The following HECW2 variants were observed in gnomAD, a reference collection of about 807,000 sequenced individuals.
HECW2 encodes HECT, C2 and WW domain containing E3 ubiquitin protein ligase 2.
HECW2 carries 61 observed loss-of-function variants against 175.2 expected under a neutral mutation model. The observed-to-expected ratio is 0.35, with a 90% CI of 0.28 to 0.43. HECW2 has a LOEUF of 0.43. HECW2 is among the 20% of genes least tolerant of loss of function. The pLI is 1.00. For missense variants in HECW2, 1,524 were observed against 2,000.5 expected (o/e 0.76, Z 4.54); for synonymous variants, 671 against 731.0 (o/e 0.92, Z 1.32).
At chr2:196,346,731 T>C (rs1692966656) in intron 2 of HECW2, among the ~76,000 whole-genome samples, 1 of 152,110 alleles carries the variant, frequency 6.6e-6, no homozygotes. Flanking sequence ...CCGGGCACAG[T>C]GGCTCACACC....
Position 196,486,295 on chromosome 2 carries a change from A to C in HECW2, c.-35-52837T>G, listed in dbSNP as rs142932469. On this transcript the variant is annotated intron_variant, in intron 1 of 28. Transcript: ENST00000644978. ...TATGCAAACTAAATGGTATTTTCAC[A>C]GCTCTCCAGAGCCTCCCTGCTGAGC... Among the ~76,000 whole-genome samples, 483 of 152,348 alleles carry C rather than the reference A, an allele frequency of 3.2e-3. 5 individuals carry two copies. The highest frequency in any genetic ancestry group is 0.011 in the African/African-American group (447 of 41,576).
chr2:196,308,142 G>A, intron 10 of HECW2, 57 bp from the exon 11 acceptor site: 1 of 1,330,502 alleles, frequency 7.5e-7, no homozygotes, highest in Non-Finnish European at 1.0e-6. Flanking sequence ...ATGATTAATA[G>A]GGTTCATTAA....
At chr2:196,576,919 T>C (rs10191128) in intron 1 of HECW2, among the ~76,000 whole-genome samples, 6,212 of 152,296 alleles carry the variant, frequency 0.041, 415 homozygotes, top group African/African-American at 0.14. Context: ...ACCATTGGAT[T>C]CATCAGTCAA....
chr2:196,402,909 C>A (rs1694861131), intron 2 of HECW2, among the ~76,000 whole-genome samples: 2 of 149,852 alleles, frequency 1.3e-5, no homozygotes, highest in Admixed American at 6.7e-5. Flanking sequence ...TGGGCTCAAG[C>A]AATTCTTGTG....
At chr2:196,417,283 G>A (rs758374199) in intron 2 of HECW2, among the ~76,000 whole-genome samples, 13 of 152,062 alleles carry the variant, frequency 8.5e-5, no homozygotes, top group Non-Finnish European at 1.8e-4. Context: ...AAGTAATATA[G>A]TTTCCTTAGA....
chr2:196,273,269 G>A (rs763558009), intron 16 of HECW2, among the ~76,000 whole-genome samples: 4 of 151,882 alleles, frequency 2.6e-5, no homozygotes, highest in Admixed American at 1.3e-4. Flanking sequence ...GGGTTTCACC[G>A]TGTTAGCCAG....
At position 196,197,729 on chromosome 2, in the gene HECW2, T is replaced by A. The variant is rs749164746; in HGVS notation, c.*3548A>T. The stretch of plus-strand genomic sequence containing the variant: ...AAGATGAAACACAGAATTGTGACTA[T>A]GAAGTAATGAAACTGATGCCACAAG... On this transcript the variant is annotated 3_prime_UTR_variant, in exon 29 of 29. Coordinates refer to ENST00000644978, the MANE Select transcript of HECW2 (RefSeq NM_001348768.2). 1 of 152,198 alleles carries A rather than the reference T, an allele frequency of 6.6e-6. No individual in the cohort carries two copies. The highest frequency in any genetic ancestry group is 1.5e-5 in the Non-Finnish European group (1 of 68,040). The allele number at this position is 152,198 out of a possible 1,614,324, so 9.4% of individuals were successfully genotyped here.
At chr2:196,462,311 G>A (rs1218191984) in intron 1 of HECW2, among the ~76,000 whole-genome samples, 1 of 152,098 alleles carries the variant, frequency 6.6e-6, no homozygotes, top group African/African-American at 2.4e-5. Flanking sequence ...AATGATATGT[G>A]CAATAAATTG....
At chr2:196,369,423 GA>G (rs1399065515) in intron 2 of HECW2, among the ~76,000 whole-genome samples, 1 of 146,568 alleles carries the variant, frequency 6.8e-6, no homozygotes, top group African/African-American at 2.6e-5. Flanking sequence ...ATGACACATG[GA>G]CTCCTGTTGT....
At chr2:196,355,939 A>G (rs755454904) in intron 2 of HECW2, among the ~76,000 whole-genome samples, 4 of 152,162 alleles carry the variant, frequency 2.6e-5, no homozygotes, top group Non-Finnish European at 4.4e-5. Flanking sequence ...AACCTGAATG[A>G]AGCAGGGGAC....
At chr2:196,533,963 C>T (rs764102492) in intron 1 of HECW2, among the ~76,000 whole-genome samples, 1 of 152,158 alleles carries the variant, frequency 6.6e-6, no homozygotes, top group Non-Finnish European at 1.5e-5. Context: ...TACTTTGATA[C>T]TGTTCATGAG....
At chr2:196,202,790 A>G (rs571162082) in intron 28 of HECW2, among the ~76,000 whole-genome samples, 4 of 152,216 alleles carry the variant, frequency 2.6e-5, no homozygotes, top group East Asian at 1.9e-4. Context: ...CAGATAGAGT[A>G]TTCCTTATCC....
intron 4 of HECW2, chr2:196,331,304 G>T: frequency 1.0e-6 from 1 of 983,842 alleles, no homozygotes; most frequent in Non-Finnish European, 1.2e-6. Flanking sequence ...AGATTAACTA[G>T]GGCAGAGGCA....
chr2:196,308,011 G>A lies in HECW2; in HGVS notation c.2509C>T (p.Arg837Ter), dbSNP rs1335183073. 5.0e-6 allele frequency: 8 copies of A among 1,603,780 alleles called. No homozygotes were observed. Among genetic ancestry groups the A allele is most frequent in the East Asian group, 2.2e-5 (1 of 44,754 alleles). Reference protein sequence around the residue: ...DHVNRTTTWQRPTAPPAPQVL... With the variant: ...DHVNRTTTWQ The stretch of plus-strand genomic sequence containing the variant: ...TGCGGGGCTGGGGGAGCTGTCGGTC[G>A]CTGCCACGTCGTGGTTCTGTTTACG... Residue 837 changes from arginine (R) to a stop codon, truncating the protein, a stop_gained, in exon 11 of 29, where the codon CGA becomes TGA. Transcript: ENST00000644978. LOFTEE classifies it high-confidence loss of function.
At chr2:196,380,069 C>T (rs557071205) in intron 2 of HECW2, among the ~76,000 whole-genome samples, 4 of 152,244 alleles carry the variant, frequency 2.6e-5, no homozygotes, top group African/African-American at 9.6e-5. Context: ...AGACATTTTG[C>T]TTATTTAAGA....
Position 196,225,860 on chromosome 2 carries a change from T to C in HECW2, c.3928A>G (p.Ser1310Gly). The C allele has an allele frequency of 6.2e-7, 1 of 1,608,814 alleles. No homozygotes were observed. The change falls in exon 23 of 29, where the codon AGT becomes GGT. Residue 1310 changes from serine (S) to glycine (G), a missense_variant. This residue lies in a region of HECW2 where 16 missense variants were observed against 23.9 expected (regional missense o/e 0.67). Transcript: ENST00000644978. ...AGTGCAAGACCAAGGATCCTACCAC[T>C]GAATCGGAACCTGTGAAGGAAACAC... Reference protein sequence around the residue: ...VDNHHEWFRFSGRILGLALIH... With the variant: ...VDNHHEWFRFGGRILGLALIH...
At chr2:196,396,043 T>C (rs1424152033) in intron 2 of HECW2, among the ~76,000 whole-genome samples, 2 of 152,142 alleles carry the variant, frequency 1.3e-5, no homozygotes, top group Non-Finnish European at 2.9e-5. Flanking sequence ...ATCTTAAAAA[T>C]GATGGAAATT....
chr2:196,279,512 G>A (rs1690107888), intron 14 of HECW2, among the ~76,000 whole-genome samples: 1 of 152,084 alleles, frequency 6.6e-6, no homozygotes, highest in South Asian at 2.1e-4. Context: ...AAGTGCTGGT[G>A]GCTTCTCAGC....
intron 1 of HECW2, chr2:196,586,427 T>C (rs1013276886): frequency 2.0e-5 from 3 of 152,212 alleles, no homozygotes; most frequent in Admixed American, 6.5e-5. Context: ...CACGAGCACC[T>C]TTCCACTATG....
Sources: allele counts gnomAD v4.1 joint callset (sites outside exome capture counted in the v4.1 genomes callset), GRCh38; gene constraint gnomAD v4.1.1; regional missense constraint gnomAD v4.1.1; transcripts MANE v1.5; gene names NCBI Gene and HGNC (gene_info 2026-07-23, HGNC 2026-07-21).